The following MCPH1 variants were observed in gnomAD, a reference collection of about 807,000 sequenced individuals.
MCPH1 encodes microcephalin.
A neutral mutation model predicts 84.5 loss-of-function variants in MCPH1; 104 were observed. The ratio of observed to expected loss-of-function variants is 1.23; its 90% CI spans 1.05 to 1.45. The LOEUF is 1.45. Among genes scored for constraint, MCPH1 ranks in the 40% most tolerant of loss-of-function variants. The pLI is 0.00. For synonymous variants in MCPH1, 514 were observed against 366.8 expected (o/e 1.40, Z -4.58); for missense variants, 1,498 against 1,005.7 (o/e 1.49, Z -6.62).
At chr8:6,601,507 T>C (rs1383942942) in intron 12 of MCPH1, among the ~76,000 whole-genome samples, 1 of 147,134 alleles carries the variant, frequency 6.8e-6, no homozygotes, top group African/African-American at 2.5e-5. Flanking sequence ...CCCCTACCTG[T>C]CCTCCATCAT....
intron 13 of MCPH1, among the ~76,000 whole-genome samples, chr8:6,640,083 T>TGTGG (rs1797835404): frequency 6.9e-6 from 1 of 144,714 alleles, no homozygotes; most frequent in African/African-American, 2.7e-5. Context: ...TGTGTGTGTG[T>TGTGG]GTGTGTGTGT....
At chr8:6,564,286 C>A (rs1825952017) in intron 12 of MCPH1, among the ~76,000 whole-genome samples, 2 of 152,260 alleles carry the variant, frequency 1.3e-5, no homozygotes, top group South Asian at 2.1e-4. Context: ...CCACAAACTT[C>A]TTTATTGTGT....
intron 6 of MCPH1, 127 bp from the exon 7 acceptor site, chr8:6,441,940 C>A: frequency 1.5e-6 from 1 of 689,648 alleles, no homozygotes; most frequent in Non-Finnish European, 2.6e-6. Context: ...CTTTAAGATC[C>A]CTTCTAACTT....
intron 12 of MCPH1, among the ~76,000 whole-genome samples, chr8:6,606,422 G>A (rs112046247): frequency 1.4e-3 from 211 of 152,256 alleles, no homozygotes; most frequent in African/African-American, 4.8e-3. Flanking sequence ...TTGAGTAAAG[G>A]CTTCATTTAA....
rs1010720058 is a variant in MCPH1, at chr8:6,643,962, G to A, written c.*913G>A. ...GTTGGGGCTGATTCACAGAAACACC[G>A]ATTTGTGGCTGAGCACGGTGGCTCA... On this transcript the variant is annotated 3_prime_UTR_variant, in exon 14 of 14. Transcript: ENST00000344683. The A allele has an allele frequency of 3.9e-5, 6 of 152,154 alleles. No individual in the cohort carries two copies. The highest frequency in any genetic ancestry group is 1.4e-4 in the African/African-American group (6 of 41,416). 9.4% of individuals were successfully genotyped at this position (152,154 alleles called of 1,614,324 possible). A position where few individuals can be genotyped will look rare whatever the true frequency, so the allele number is the denominator to read the frequency against.
intron 3 of MCPH1, among the ~76,000 whole-genome samples, chr8:6,416,707 G>C (rs1799348890): frequency 6.6e-6 from 1 of 152,084 alleles, no homozygotes; most frequent in Admixed American, 6.6e-5. Context: ...TTAATTGTTG[G>C]AACAGGCCGG....
chr8:6,537,070 T>C (rs1820633513), intron 12 of MCPH1, among the ~76,000 whole-genome samples: 1 of 151,578 alleles, frequency 6.6e-6, no homozygotes, highest in South Asian at 2.1e-4. Context: ...ATCCCTGTCA[T>C]CTGCACCGAA....
Position 6,582,882 on chromosome 8 carries a change from C to T in MCPH1, c.2215-38572C>T, listed in dbSNP as rs564302528. On this transcript the variant is annotated intron_variant, in intron 12 of 13. Coordinates refer to ENST00000344683, the MANE Select transcript of MCPH1 (RefSeq NM_024596.5). ...CAGCCCCACAAGTGTCGCAGCTTTT[C>T]AAAGCCTTTCCCATCCTTTAAGGTC... Among the ~76,000 whole-genome samples the T allele has an allele frequency of 4.6e-5, 7 of 152,332 alleles. No homozygotes were observed. In the South Asian group the frequency reaches 1.5e-3, roughly 32 times the overall value.
At chr8:6,457,757 A>G (rs1019472641) in intron 9 of MCPH1, among the ~76,000 whole-genome samples, 1 of 152,188 alleles carries the variant, frequency 6.6e-6, no homozygotes, top group African/African-American at 2.4e-5. Flanking sequence ...CGTCTCGCCA[A>G]TAGCAGAAGG....
At chr8:6,518,918 T>C (rs938510444) in intron 12 of MCPH1, among the ~76,000 whole-genome samples, 1 of 152,170 alleles carries the variant, frequency 6.6e-6, no homozygotes, top group African/African-American at 2.4e-5. Context: ...AGGGTTTTTT[T>C]TTTTCCTTAT....
chr8:6,482,138 C>T (rs757932408), intron 11 of MCPH1, among the ~76,000 whole-genome samples: 1 of 152,064 alleles, frequency 6.6e-6, no homozygotes, highest in Non-Finnish European at 1.5e-5. Context: ...CCTTATTTGG[C>T]CTAATAATGT....
At chr8:6,533,031 C>T (rs922203001) in intron 12 of MCPH1, among the ~76,000 whole-genome samples, 1 of 152,268 alleles carries the variant, frequency 6.6e-6, no homozygotes, top group Non-Finnish European at 1.5e-5. Context: ...CTCAGTTCCA[C>T]ATTCTGTGGG....
intron 13 of MCPH1, chr8:6,626,879 A>G (rs1796759109): frequency 1.0e-6 from 1 of 984,626 alleles, no homozygotes. Context: ...TCATAGGCGT[A>G]TTTCCACTCT....
chr8:6,449,358 G>A (rs1208467725), intron 8 of MCPH1, among the ~76,000 whole-genome samples: 2 of 152,192 alleles, frequency 1.3e-5, no homozygotes, highest in Admixed American at 6.5e-5. Flanking sequence ...TTCCGGCCAG[G>A]TGTGATGGCT....
intron 12 of MCPH1, among the ~76,000 whole-genome samples, chr8:6,568,742 C>T (rs991846615): frequency 6.6e-6 from 1 of 152,188 alleles, no homozygotes; most frequent in Non-Finnish European, 1.5e-5. Context: ...CCTGGGCAGC[C>T]CCTCCTGAGA....
At chr8:6,640,091 T>TGTGA (rs1554491956) in intron 13 of MCPH1, among the ~76,000 whole-genome samples, 93 of 144,936 alleles carry the variant, frequency 6.4e-4, no homozygotes, top group African/African-American at 2.4e-3. Context: ...TGTGTGTGTG[T>TGTGA]GTGTGTGCGC....
chr8:6,517,768 G>T (rs73199039), intron 12 of MCPH1, among the ~76,000 whole-genome samples: 1 of 152,054 alleles, frequency 6.6e-6, no homozygotes, highest in Non-Finnish European at 1.5e-5. Flanking sequence ...TAAATGACTC[G>T]CCCAGAGCCA....
At chr8:6,575,685 G>A (rs770950197) in intron 12 of MCPH1, among the ~76,000 whole-genome samples, 12 of 152,190 alleles carry the variant, frequency 7.9e-5, no homozygotes, top group Non-Finnish European at 1.6e-4. Context: ...CATTGCAGTT[G>A]TAATCAGTTA....
At chr8:6,627,584 G>A (rs530897971) in intron 13 of MCPH1, among the ~76,000 whole-genome samples, 1 of 152,226 alleles carries the variant, frequency 6.6e-6, no homozygotes, top group Non-Finnish European at 1.5e-5. Context: ...CATCTGAGAT[G>A]TTTAGGCTTT....
Sources: gnomAD v4.1 joint callset for allele counts (sites outside exome capture counted in the v4.1 genomes callset) on GRCh38, gnomAD v4.1.1 for gene constraint, MANE v1.5 for transcripts, NCBI Gene and HGNC (gene_info 2026-07-23, HGNC 2026-07-21) for gene names.